Variants in KMT2A observed in about 807,000 individuals in gnomAD.
KMT2A encodes the protein histone-lysine N-methyltransferase 2A.
KMT2A carries 16 observed loss-of-function variants against 345.3 expected under a neutral mutation model. The ratio of observed to expected loss-of-function variants is 0.05; its 90% CI spans 0.03 to 0.07. The LOEUF is 0.07. Among genes scored for constraint, KMT2A ranks in the 10% least tolerant of loss-of-function variants. KMT2A has a pLI of 1.00. For synonymous variants in KMT2A, 1,599 were observed against 1,778.6 expected (o/e 0.90, Z 2.54); for missense variants, 3,272 against 4,841.6 (o/e 0.68, Z 9.62).
At chr11:118,488,798 G>A (rs375432648) in intron 11 of KMT2A, 38 bp downstream of exon 11, 54 of 1,601,022 alleles carry the variant, frequency 3.4e-5, no homozygotes, top group Non-Finnish European at 4.6e-5. Context: ...CTGGGCCTCT[G>A]TATCAGTGGG....
At position 118,484,992 on chromosome 11, in the gene KMT2A, C is replaced by T. The variant is rs1555040495; in HGVS notation, c.4332+17C>T. 7.2e-7 allele frequency: 1 copy of T among 1,382,360 alleles called. No individual in the cohort carries two copies. Among genetic ancestry groups the T allele is most frequent in the African/African-American group, 1.4e-5 (1 of 70,518 alleles). The allele number at this position is 1,382,360 out of a possible 1,614,324, so 85.6% of individuals were successfully genotyped here. A position where few individuals can be genotyped will look rare whatever the true frequency, so the allele number is the denominator to read the frequency against. ...CATGTAGAGGTAAGGCATCCTGCTT[C>T]TTTGTACCCCAGGAAGTACATAAAT... On this transcript the variant is annotated intron_variant, in intron 10 of 35. Transcript: ENST00000534358. The surrounding 1 kb of genome is among the most constrained non-coding windows in gnomAD (Gnocchi z 4.1).
chr11:118,511,558 T>C (rs1950688287), intron 30 of KMT2A, among the ~76,000 whole-genome samples: 1 of 152,198 alleles, frequency 6.6e-6, no homozygotes, highest in African/African-American at 2.4e-5. Context: ...GGTTATGATC[T>C]TCCCACAGTC....
chr11:118,500,928 T>C lies in KMT2A; in HGVS notation c.6159-59T>C, dbSNP rs782026475. On this transcript the variant is annotated intron_variant, in intron 24 of 35. Coordinates refer to ENST00000534358, the MANE Select transcript of KMT2A (RefSeq NM_001197104.2). ...TAGGATAAAGAGAGGTTTTGAAAAA[T>C]GCTAGTTTCTGCTTCTATCCTCTCC... 2.1e-5 allele frequency: 29 copies of C among 1,384,670 alleles called. No individual in the cohort carries two copies. In the South Asian group the frequency reaches 2.5e-4, roughly 12 times the overall value. 85.8% of individuals were successfully genotyped at this position (1,384,670 alleles called of 1,614,324 possible).
Position 118,520,386 on chromosome 11 carries a change from C to T in KMT2A, c.11429+322C>T. 5.8e-6 allele frequency: 2 copies of T among 346,662 alleles called. No homozygotes were observed. Among genetic ancestry groups the T allele is most frequent in the Non-Finnish European group, 1.0e-5 (2 of 191,078 alleles). The allele number at this position is 346,662 out of a possible 1,614,324, so 21.5% of individuals were successfully genotyped here. A position where few individuals can be genotyped will look rare whatever the true frequency, so the allele number is the denominator to read the frequency against. On this transcript the variant is annotated intron_variant, in intron 33 of 35. Coordinates refer to ENST00000534358, the MANE Select transcript of KMT2A (RefSeq NM_001197104.2). This position sits in a 1 kb window ranked among gnomAD's most constrained non-coding sequence, Gnocchi z 4.3. ...GGGACTCATTGGCCAGGCACAGTGG[C>T]TCATGCCTGTAATTCCAGCACTTTG...
chr11:118,509,110 A>T (rs782549032), intron 28 of KMT2A, 26 bp from the exon 29 acceptor site: 1 of 1,603,688 alleles, frequency 6.2e-7, no homozygotes, highest in East Asian at 2.2e-5. Context: ...AGCTGATATT[A>T]TATCTTACAT....
rs1203354509 is a variant in KMT2A at position 118,491,129 on chromosome 11, A to C, written c.4697-67A>C. 3 of 1,557,546 alleles carry C rather than the reference A, an allele frequency of 1.9e-6. No homozygotes were observed. The Admixed American group carries it at 5.6e-5, about 29-fold the overall frequency. ...GATTTAGATTGGGTTGGTAAATGCA[A>C]GTCGAGGGCCGTAAAAACACGGGTA... On this transcript the variant is annotated intron_variant, in intron 13 of 35. Coordinates refer to ENST00000534358, the MANE Select transcript of KMT2A (RefSeq NM_001197104.2). The surrounding 1 kb of genome is among the most constrained non-coding windows in gnomAD (Gnocchi z 4.2).
chr11:118,468,171 C>T (rs576424054), intron 1 of KMT2A, among the ~76,000 whole-genome samples: 50 of 152,256 alleles, frequency 3.3e-4, no homozygotes, highest in African/African-American at 1.1e-3. Flanking sequence ...CTGCTGCCCA[C>T]CATTAAGTCT....
chr11:118,465,870 G>T (rs533523277), intron 1 of KMT2A, among the ~76,000 whole-genome samples: 89 of 152,110 alleles, frequency 5.9e-4, no homozygotes, highest in African/African-American at 2.0e-3. Flanking sequence ...ATTGTGATAA[G>T]ATTTTATATT....
Position 118,498,458 on chromosome 11 carries a change from C to T in KMT2A, c.5891C>T (p.Ala1964Val), listed in dbSNP as rs1950445447. 3 of 1,613,396 alleles carry T rather than the reference C, an allele frequency of 1.9e-6. No individual in the cohort carries two copies. The East Asian group carries it at 6.7e-5, about 36-fold the overall frequency. Residue 1964 changes from alanine (A) to valine (V), a missense_variant, in exon 22 of 36, where the codon GCC becomes GTC. Coordinates refer to ENST00000534358, the MANE Select transcript of KMT2A (RefSeq NM_001197104.2). This position sits in a 1 kb window ranked among gnomAD's most constrained non-coding sequence, Gnocchi z 4.4. ...TSNYHFMCSR[A>V]KNCVFLDDKK... ...AACTATCACTTCATGTGTTCCCGAG[C>T]CAAGAACTGTGTCTTTCTGGATGAT...
intron 1 of KMT2A, among the ~76,000 whole-genome samples, chr11:118,463,197 A>G (rs908284816): frequency 1.3e-5 from 2 of 151,556 alleles, no homozygotes; most frequent in African/African-American, 4.8e-5. Flanking sequence ...GGGTCAAGCA[A>G]TCCTCCTACC....
In KMT2A at chr11:118,499,929, A is replaced by G; in HGVS notation, c.6158+16A>G. The G allele has an allele frequency of 6.4e-7, 1 of 1,555,854 alleles. No individual in the cohort carries two copies. Among genetic ancestry groups the G allele is most frequent in the Non-Finnish European group, 8.9e-7 (1 of 1,127,534 alleles). On this transcript the variant is annotated intron_variant, in intron 24 of 35. Transcript: ENST00000534358. ...TTGGATATCAGTAAGTAGCACTATA[A>G]AGAGAAGAGAGCAGCCCCACAACCT... is the stretch of plus-strand genomic sequence containing the variant.
rs1555047892 is a variant in KMT2A, at chr11:118,505,567, C to T, written c.9675C>T (p.Pro3225=). ...CATCCTCTGGACTCAAGAAAAGACC[C>T]ATATCTCGTCTACAGACCCGAAAGA... is the stretch of plus-strand genomic sequence containing the variant. The part of the protein sequence containing the change: ...ATPSSGLKKR[P]ISRLQTRKNK... Residue 3225 remains proline (P), a synonymous_variant, in exon 27 of 36, where the codon CCC becomes CCT. Transcript: ENST00000534358. This position sits in a 1 kb window ranked among gnomAD's most constrained non-coding sequence, Gnocchi z 4.6. 1.2e-6 allele frequency: 2 copies of T among 1,614,170 alleles called. No individual in the cohort carries two copies. Among genetic ancestry groups the T allele is most frequent in the Non-Finnish European group, 1.7e-6 (2 of 1,180,016 alleles).
In KMT2A at chr11:118,494,279, T is replaced by TG. The variant is rs782218555; in HGVS notation, c.5179-8dup. ...TTAAGAATAATTAACATTTTGTTTT[T>TG]GTATACAGTTGGAGTTCAGTGATGA... On this transcript the variant is annotated splice_polypyrimidine_tract_variant and intron_variant, in intron 16 of 35. Coordinates refer to ENST00000534358, the MANE Select transcript of KMT2A (RefSeq NM_001197104.2). The surrounding 1 kb of genome is among the most constrained non-coding windows in gnomAD (Gnocchi z 5.8). 1 of 1,410,914 alleles carries TG rather than the reference T, an allele frequency of 7.1e-7. No individual in the cohort carries two copies. The highest frequency in any genetic ancestry group is 1.0e-6 in the Non-Finnish European group (1 of 995,260). The allele number at this position is 1,410,914 out of a possible 1,614,324, so 87.4% of individuals were successfully genotyped here.
chr11:118,511,773 G>A (rs782818980), intron 30 of KMT2A, 178 bp from the exon 31 acceptor site: 9 of 638,926 alleles, frequency 1.4e-5, no homozygotes, highest in South Asian at 3.6e-5. Context: ...GTACCTTTTC[G>A]GCTCCTTTCA....
chr11:118,505,495 T>G lies in KMT2A; in HGVS notation c.9603T>G (p.Val3201=). ...CTCCTCCGGATCCCCAACTTTTGGT[T>G]TCAGAATCCAGCCAGAGGACAGACC... is the stretch of plus-strand genomic sequence containing the variant. ...VQPPPDPQLL[V]SESSQRTDLS... The change falls in exon 27 of 36, where the codon GTT becomes GTG. Residue 3201 remains valine, a synonymous_variant. Coordinates refer to ENST00000534358, the MANE Select transcript of KMT2A (RefSeq NM_001197104.2). The surrounding 1 kb of genome is among the most constrained non-coding windows in gnomAD (Gnocchi z 4.6). 3 of 1,614,126 alleles carry G rather than the reference T, an allele frequency of 1.9e-6. No homozygotes were observed. The South Asian group carries it at 3.3e-5, about 18-fold the overall frequency.
chr11:118,521,239 A>G lies in KMT2A; in HGVS notation c.11514-49A>G. 6.2e-7 allele frequency: 1 copy of G among 1,605,028 alleles called. No individual in the cohort carries two copies. The highest frequency in any genetic ancestry group is 8.5e-7 in the Non-Finnish European group (1 of 1,173,242). ...ACTTATTCATGTATTCACGCACTTA[A>G]CCTTACTTGCAAAATTTGTGTCTGA... On this transcript the variant is annotated intron_variant, in intron 34 of 35. Transcript: ENST00000534358. This position sits in a 1 kb window ranked among gnomAD's most constrained non-coding sequence, Gnocchi z 5.3.
In KMT2A at chr11:118,520,731, G is replaced by A; in HGVS notation, c.11430-71G>A. The A allele has an allele frequency of 8.9e-7, 1 of 1,121,604 alleles. No individual in the cohort carries two copies. Among genetic ancestry groups the A allele is most frequent in the Non-Finnish European group, 1.4e-6 (1 of 734,212 alleles). The allele number at this position is 1,121,604 out of a possible 1,614,324, so 69.5% of individuals were successfully genotyped here. A position where few individuals can be genotyped will look rare whatever the true frequency, so the allele number is the denominator to read the frequency against. On this transcript the variant is annotated intron_variant, in intron 33 of 35. Coordinates refer to ENST00000534358, the MANE Select transcript of KMT2A (RefSeq NM_001197104.2). The surrounding 1 kb of genome is among the most constrained non-coding windows in gnomAD (Gnocchi z 4.3). ...CAAAGAGTGTACTAATTGTCTCTAG[G>A]AACCTTCGATTCAAGACTCAAAACA...
In KMT2A at chr11:118,502,308, A is replaced by G; in HGVS notation, c.6506-90A>G. ...TAGATTTCCAGTTACCTATAAATAT[A>G]TATATATATAGTCAAATCATTGAAA... On this transcript the variant is annotated intron_variant, in intron 26 of 35. Transcript: ENST00000534358. The surrounding 1 kb of genome is among the most constrained non-coding windows in gnomAD (Gnocchi z 4.9). 1.4e-6 allele frequency: 1 copy of G among 708,034 alleles called. No individual in the cohort carries two copies. The highest frequency in any genetic ancestry group is 2.2e-6 in the Non-Finnish European group (1 of 448,748). The allele number at this position is 708,034 out of a possible 1,614,324, so 43.9% of individuals were successfully genotyped here.
chr11:118,490,287 T>G lies in KMT2A; in HGVS notation c.4696+38T>G. 6.6e-7 allele frequency: 1 copy of G among 1,517,430 alleles called. No homozygotes were observed. Among genetic ancestry groups the G allele is most frequent in the Non-Finnish European group, 8.8e-7 (1 of 1,142,204 alleles). 94.0% of individuals were successfully genotyped at this position (1,517,430 alleles called of 1,614,324 possible). ...GCCAGTTTTGCCAGCTTTCGGAGGTTGTACTTGGTGTTCTGGAGGTGAACT... is the reference window on the plus strand; with the variant it reads ...GCCAGTTTTGCCAGCTTTCGGAGGTGGTACTTGGTGTTCTGGAGGTGAACT... On this transcript the variant is annotated intron_variant, in intron 13 of 35. Transcript: ENST00000534358. This position sits in a 1 kb window ranked among gnomAD's most constrained non-coding sequence, Gnocchi z 4.2.
Sources: allele counts gnomAD v4.1 joint callset (sites outside exome capture counted in the v4.1 genomes callset), GRCh38; gene constraint gnomAD v4.1.1; non-coding constraint Gnocchi (gnomAD v3.1); transcripts MANE v1.5; gene names NCBI Gene and HGNC (gene_info 2026-07-23, HGNC 2026-07-21).